TUSC3: variants seen among roughly 807,000 people sequenced by gnomAD.
The protein encoded by TUSC3 is tumor suppressor candidate 3, also known as dolichyl-diphosphooligosaccharide--protein glycosyltransferase subunit TUSC3.
Under a neutral mutation model 44.8 loss-of-function variants are expected in TUSC3, and 45 were observed. The observed-to-expected ratio is 1.00, with a 90% CI of 0.79 to 1.29. The LOEUF (loss-of-function observed/expected upper bound fraction) is 1.29, where lower values mean the gene tolerates loss of function less well. Ranked by LOEUF, TUSC3 falls within the 50% of genes most tolerant of loss-of-function variation. The probability of loss-of-function intolerance (pLI) is 0.00; values close to 1 mark genes in which losing one functional copy is unlikely to be tolerated. For missense variants in TUSC3, 519 were observed against 437.9 expected (o/e 1.19, Z -1.65); for synonymous variants, 212 against 152.9 (o/e 1.39, Z -2.85).
chr8:15,525,158 G>A (rs922796532), intron 2 of TUSC3, among the ~76,000 whole-genome samples: 1 of 152,192 alleles, frequency 6.6e-6, no homozygotes, highest in Non-Finnish European at 1.5e-5. Context: ...TATACTCCCT[G>A]CTGGTGCCCA....
chr8:15,492,220 C>G (rs761837633), intron 2 of TUSC3, among the ~76,000 whole-genome samples: 1 of 152,030 alleles, frequency 6.6e-6, no homozygotes, highest in Non-Finnish European at 1.5e-5. Flanking sequence ...TACTTGGGTA[C>G]GTTAATAATA....
chr8:15,811,302 A>G, the TUSC3 span, among the ~76,000 whole-genome samples: 5 of 152,276 alleles, frequency 3.3e-5, no homozygotes, highest in East Asian at 9.7e-4. Flanking sequence ...CGCTCTTCAC[A>G]TCGTCAATTG....
At chr8:15,610,647 G>A (rs1804721280) in intron 1 of TUSC3, among the ~76,000 whole-genome samples, 1 of 152,148 alleles carries the variant, frequency 6.6e-6, no homozygotes. Context: ...TTGAACCAGA[G>A]AATAAATAGA....
At chr8:15,787,809 C>T in the TUSC3 span, among the ~76,000 whole-genome samples, 7 of 152,320 alleles carry the variant, frequency 4.6e-5, no homozygotes, top group South Asian at 2.1e-4. Context: ...AGACCGTTCA[C>T]GTAATTTCTT....
At chr8:15,551,769 C>G (rs1191082725) in intron 1 of TUSC3, among the ~76,000 whole-genome samples, 2 of 151,678 alleles carry the variant, frequency 1.3e-5, no homozygotes, top group African/African-American at 2.4e-5. Context: ...AAATATTCTG[C>G]AAGGTTTTAA....
chr8:15,542,752 G>A (rs1447075389), intron 1 of TUSC3, among the ~76,000 whole-genome samples: 1 of 152,128 alleles, frequency 6.6e-6, no homozygotes. Flanking sequence ...GGAGAACATT[G>A]TTGAGGATTA....
At chr8:15,651,506 C>T (rs779524601) in intron 3 of TUSC3, among the ~76,000 whole-genome samples, 36 of 152,070 alleles carry the variant, frequency 2.4e-4, no homozygotes, top group Admixed American at 1.3e-4. Flanking sequence ...TAAATGAGGC[C>T]ATAAAGGTGG....
At chr8:15,758,175 T>G in intron 10 of TUSC3, 1 of 1,071,204 alleles carries the variant, frequency 9.3e-7, no homozygotes, top group Non-Finnish European at 1.1e-6. Flanking sequence ...TCAACAAATA[T>G]ATTTCATTCT....
chr8:15,648,718 T>G (rs897669275), intron 2 of TUSC3, among the ~76,000 whole-genome samples: 1 of 30,004 alleles, frequency 3.3e-5, no homozygotes, highest in African/African-American at 9.8e-5. Context: ...AGAGCAAGAC[T>G]CTGTGTCAAA....
chr8:15,671,328 A>C (rs1042657933), intron 5 of TUSC3, among the ~76,000 whole-genome samples: 5 of 152,014 alleles, frequency 3.3e-5, no homozygotes, highest in East Asian at 1.9e-4. Context: ...TAGTTAAATA[A>C]AAATATTTTA....
chr8:15,427,975 TTTA>T (rs1056307342), intron 1 of TUSC3, among the ~76,000 whole-genome samples: 49 of 152,094 alleles, frequency 3.2e-4, no homozygotes, highest in Non-Finnish European at 4.3e-4. Flanking sequence ...AAATTTTTTT[TTTA>T]TTATTATACT....
chr8:15,471,829 G>C (rs961583373), intron 1 of TUSC3, among the ~76,000 whole-genome samples: 4 of 152,138 alleles, frequency 2.6e-5, no homozygotes, highest in African/African-American at 7.2e-5. Context: ...CGTTGGCCAG[G>C]CTGGTCTCGA....
the TUSC3 span, among the ~76,000 whole-genome samples, chr8:15,814,847 G>T: frequency 6.6e-6 from 1 of 152,090 alleles, no homozygotes; most frequent in Non-Finnish European, 1.5e-5. Context: ...GGTGATCCAG[G>T]ATTCAAGTAT....
chr8:15,476,570 C>A (rs1800577527), intron 1 of TUSC3, among the ~76,000 whole-genome samples: 1 of 152,154 alleles, frequency 6.6e-6, no homozygotes, highest in African/African-American at 2.4e-5. Context: ...TATTTCAATT[C>A]TGTTACCAGG....
chr8:15,456,790 G>T (rs1800262472), intron 1 of TUSC3, among the ~76,000 whole-genome samples: 1 of 151,650 alleles, frequency 6.6e-6, no homozygotes, highest in Non-Finnish European at 1.5e-5. Flanking sequence ...AGAAGAGGAG[G>T]AGGAAAAAAA....
chr8:15,516,906 G>A (rs1179177077), intron 2 of TUSC3, among the ~76,000 whole-genome samples: 2 of 152,056 alleles, frequency 1.3e-5, no homozygotes, highest in Non-Finnish European at 2.9e-5. Flanking sequence ...GTAATTTTAA[G>A]GAGTGAGATT....
chr8:15,490,268 C>T (rs1168438724), intron 2 of TUSC3, among the ~76,000 whole-genome samples: 1 of 152,168 alleles, frequency 6.6e-6, no homozygotes, highest in Admixed American at 6.6e-5. Context: ...TACCAGAGGG[C>T]AGGAGACAGA....
At chr8:15,721,129 C>G (rs1810291005) in intron 6 of TUSC3, among the ~76,000 whole-genome samples, 1 of 151,918 alleles carries the variant, frequency 6.6e-6, no homozygotes, top group Admixed American at 6.6e-5. Context: ...CTTTTTTTAT[C>G]TCCTAATCAC....
chr8:15,806,834 A>C, the TUSC3 span: 2 of 949,850 alleles, frequency 2.1e-6, no homozygotes, highest in Non-Finnish European at 3.3e-6. Context: ...TGTTCCTACA[A>C]AGTAAACGTC....
Sources: allele counts gnomAD v4.1 joint callset (sites outside exome capture counted in the v4.1 genomes callset), GRCh38; gene constraint gnomAD v4.1.1; transcripts MANE v1.5; gene names NCBI Gene and HGNC (gene_info 2026-07-23, HGNC 2026-07-21).